TOX: variants seen among roughly 807,000 people sequenced by gnomAD.
TOX encodes thymocyte selection associated high mobility group box.
In TOX, 11 loss-of-function variants were observed where a neutral mutation model predicts 53.7. The ratio of observed to expected loss-of-function variants is 0.20; its 90% CI spans 0.13 to 0.34. The LOEUF is 0.34. Among genes scored for constraint, TOX ranks in the 10% least tolerant of loss-of-function variants. The pLI, the probability that TOX is intolerant of heterozygous loss-of-function variation, is 1.00. For synonymous variants in TOX, 225 were observed against 245.3 expected (o/e 0.92, Z 0.77); for missense variants, 570 against 664.6 (o/e 0.86, Z 1.56).
At chr8:58,889,276 T>G (rs1373894193) in intron 3 of TOX, among the ~76,000 whole-genome samples, 1 of 148,424 alleles carries the variant, frequency 6.7e-6, no homozygotes, top group African/African-American at 2.5e-5. Flanking sequence ...GGATACTAGT[T>G]AATTGAATTA....
intron 2 of TOX, among the ~76,000 whole-genome samples, chr8:58,955,898 C>A: frequency 6.6e-6 from 1 of 152,002 alleles, no homozygotes; most frequent in Non-Finnish European, 1.5e-5. Flanking sequence ...CCATGCCCAG[C>A]TAATTTTTGT....
chr8:59,009,518 G>A (rs542221153), intron 1 of TOX, among the ~76,000 whole-genome samples: 6 of 152,126 alleles, frequency 3.9e-5, no homozygotes, highest in African/African-American at 1.4e-4. Context: ...GACTACAGAA[G>A]TGTGCCTCCA....
At chr8:58,998,345 C>T (rs1374527643) in intron 1 of TOX, among the ~76,000 whole-genome samples, 2 of 150,360 alleles carry the variant, frequency 1.3e-5, no homozygotes, top group Non-Finnish European at 3.0e-5. Flanking sequence ...GAAAATTAGC[C>T]AGGTTCGGTG....
chr8:58,898,806 C>G (rs150198506), intron 3 of TOX, among the ~76,000 whole-genome samples: 1 of 152,308 alleles, frequency 6.6e-6, no homozygotes, highest in Admixed American at 6.5e-5. Flanking sequence ...TGTGTCTTGA[C>G]CTTGGGAAAT....
chr8:58,900,094 T>C (rs2129172704), intron 3 of TOX, among the ~76,000 whole-genome samples: 1 of 152,230 alleles, frequency 6.6e-6, no homozygotes, highest in African/African-American at 2.4e-5. Context: ...ATCAATAACA[T>C]TCCCATTTGA....
intron 1 of TOX, among the ~76,000 whole-genome samples, chr8:59,089,276 A>G (rs1175156726): frequency 6.6e-6 from 1 of 152,222 alleles, no homozygotes; most frequent in African/African-American, 2.4e-5. Flanking sequence ...ATAGTGTGGG[A>G]AATCCTGCTG....
intron 1 of TOX, among the ~76,000 whole-genome samples, chr8:59,037,625 A>G (rs1168783988): frequency 6.6e-6 from 1 of 152,006 alleles, no homozygotes; most frequent in Non-Finnish European, 1.5e-5. Context: ...AACATGGTGA[A>G]ACCTCATCTC....
At chr8:58,929,184 A>G (rs537786180) in intron 3 of TOX, among the ~76,000 whole-genome samples, 56 of 152,258 alleles carry the variant, frequency 3.7e-4, no homozygotes, top group Non-Finnish European at 5.9e-4. Context: ...TTTTGTGATT[A>G]TATATTTATC....
chr8:58,920,793 T>C (rs1812059383), intron 3 of TOX, among the ~76,000 whole-genome samples: 1 of 130,798 alleles, frequency 7.6e-6, no homozygotes, highest in African/African-American at 2.9e-5. Context: ...AGCTAGGTAA[T>C]AACTACTCTG....
chr8:58,817,648 T>A (rs1035659741), intron 6 of TOX, among the ~76,000 whole-genome samples: 6 of 152,212 alleles, frequency 3.9e-5, no homozygotes, highest in African/African-American at 1.4e-4. Flanking sequence ...TATGTTTGAA[T>A]TCCCTCTTTT....
intron 1 of TOX, among the ~76,000 whole-genome samples, chr8:59,066,223 C>A (rs1804090731): frequency 6.6e-6 from 1 of 152,176 alleles, no homozygotes; most frequent in Non-Finnish European, 1.5e-5. Context: ...AAAGGACTTA[C>A]AATAGTTTCA....
At chr8:58,847,941 T>G (rs1040211389) in intron 4 of TOX, among the ~76,000 whole-genome samples, 2 of 152,138 alleles carry the variant, frequency 1.3e-5, no homozygotes, top group East Asian at 3.8e-4. Flanking sequence ...CTGCAGACCT[T>G]CATGAAAGAA....
intron 1 of TOX, among the ~76,000 whole-genome samples, chr8:59,046,989 G>C (rs1803696614): frequency 6.6e-6 from 1 of 151,356 alleles, no homozygotes; most frequent in African/African-American, 2.4e-5. Flanking sequence ...CATATGCAAA[G>C]CATATATTCC....
chr8:58,938,234 T>A (rs1229181073), intron 3 of TOX, among the ~76,000 whole-genome samples: 1 of 152,194 alleles, frequency 6.6e-6, no homozygotes, highest in East Asian at 1.9e-4. Flanking sequence ...AGAAAAGTCA[T>A]CCTGCAAAAT....
At chr8:58,819,642 G>T (rs1482570104) in intron 6 of TOX, among the ~76,000 whole-genome samples, 3 of 152,152 alleles carry the variant, frequency 2.0e-5, no homozygotes, top group African/African-American at 7.2e-5. Flanking sequence ...ATTACTGAAG[G>T]TAGCTTCAAT....
chr8:58,878,964 G>A (rs1036644226), intron 3 of TOX, among the ~76,000 whole-genome samples: 10 of 151,818 alleles, frequency 6.6e-5, no homozygotes, highest in Admixed American at 1.3e-4. Flanking sequence ...TGGAGGCTGA[G>A]GTAGGAAAAT....
intron 1 of TOX, among the ~76,000 whole-genome samples, chr8:58,965,894 GTTTTTTTTTTTTT>G (rs67045037): frequency 4.0e-4 from 20 of 49,614 alleles, no homozygotes; most frequent in African/African-American, 1.0e-3. Context: ...ACGAGTCATC[GTTTTTTTTTTTTT>G]TTTTTTTTTT....
intron 1 of TOX, among the ~76,000 whole-genome samples, chr8:59,062,531 G>A (rs1029466059): frequency 1.3e-5 from 2 of 152,122 alleles, no homozygotes; most frequent in African/African-American, 2.4e-5. Flanking sequence ...CTACTTATAG[G>A]GTTTATATAA....
At position 59,021,199 on chromosome 8, in the gene TOX, C is replaced by T. The variant is rs138066831; in HGVS notation, c.103-61191G>A. ...GTATCTAAAACTTAAAACTTTTTAA[C>T]AAAGGGATAATTCATTCCAGCCTTT... On this transcript the variant is annotated intron_variant, in intron 1 of 8. Transcript: ENST00000361421. Among the ~76,000 whole-genome samples, 70 of 142,456 alleles carry T rather than the reference C, an allele frequency of 4.9e-4. No individual in the cohort carries two copies. In the East Asian group the frequency reaches 0.014, roughly 29 times the overall value. The allele number at this position is 142,456 out of a possible 152,430, so 93.5% of individuals were successfully genotyped here.
Sources: gnomAD v4.1 joint callset for allele counts (sites outside exome capture counted in the v4.1 genomes callset) on GRCh38, gnomAD v4.1.1 for gene constraint, MANE v1.5 for transcripts, NCBI Gene and HGNC (gene_info 2026-07-23, HGNC 2026-07-21) for gene names.